The following AFF3 variants were observed in gnomAD, a reference collection of about 807,000 sequenced individuals.
AFF3 encodes ALF transcription elongation factor 3.
AFF3 carries 32 observed loss-of-function variants against 129.7 expected under a neutral mutation model. That is an observed-to-expected ratio of 0.25 (90% CI 0.19 to 0.33). AFF3 has a LOEUF of 0.33. Ranked by LOEUF, AFF3 falls within the 10% of genes least tolerant of loss-of-function variation. The pLI, the probability that AFF3 is intolerant of heterozygous loss-of-function variation, is 1.00. For missense variants in AFF3, 1,373 were observed against 1,592.0 expected, an observed-to-expected ratio of 0.86 and a Z score of 2.34; for synonymous variants, 644 against 635.4, an observed-to-expected ratio of 1.01 and a Z score of -0.20.
At chr2:99,726,170 T>C (rs929549142) in intron 11 of AFF3, among the ~76,000 whole-genome samples, 7 of 152,220 alleles carry the variant, frequency 4.6e-5, no homozygotes, top group African/African-American at 1.4e-4. Context: ...ATATCTCTTA[T>C]GAAATACACA....
chr2:99,722,132 CCTT>C (rs1473717416), intron 11 of AFF3, among the ~76,000 whole-genome samples: 3 of 152,130 alleles, frequency 2.0e-5, no homozygotes, highest in Non-Finnish European at 2.9e-5. Flanking sequence ...CTGAGATTCT[CCTT>C]CTTTTCAGTC....
intron 4 of AFF3, among the ~76,000 whole-genome samples, chr2:100,053,769 G>T (rs958004722): frequency 6.6e-6 from 1 of 152,148 alleles, no homozygotes; most frequent in Non-Finnish European, 1.5e-5. Flanking sequence ...CATGAAATCT[G>T]CCTGACATCC....
chr2:99,833,620 C>T (rs1688660393), intron 8 of AFF3, among the ~76,000 whole-genome samples: 1 of 152,132 alleles, frequency 6.6e-6, no homozygotes, highest in African/African-American at 2.4e-5. Context: ...TGCATAAAAA[C>T]TGTACATCCT....
chr2:99,682,780 C>A (rs987882812), intron 11 of AFF3, among the ~76,000 whole-genome samples: 1 of 152,154 alleles, frequency 6.6e-6, no homozygotes, highest in African/African-American at 2.4e-5. Context: ...GTGAGAGGCA[C>A]CTGAATAGGG....
intron 7 of AFF3, among the ~76,000 whole-genome samples, chr2:99,876,782 A>ATCT (rs1295547276): frequency 6.6e-6 from 1 of 152,084 alleles, no homozygotes; most frequent in African/African-American, 2.4e-5. Context: ...AGTAACATGG[A>ATCT]TCTTCCCTCA....
At chr2:99,708,517 A>G (rs1351802161) in intron 11 of AFF3, among the ~76,000 whole-genome samples, 5 of 152,234 alleles carry the variant, frequency 3.3e-5, no homozygotes, top group Non-Finnish European at 7.3e-5. Context: ...CAGTAACAGA[A>G]CAATGCAAAT....
At chr2:99,559,382 A>G (rs972398082) in intron 21 of AFF3, among the ~76,000 whole-genome samples, 1 of 152,256 alleles carries the variant, frequency 6.6e-6, no homozygotes, top group African/African-American at 2.4e-5. Flanking sequence ...ACTGAACTAT[A>G]AGCAGCTCCA....
At chr2:99,942,562 G>A (rs1260627955) in intron 7 of AFF3, among the ~76,000 whole-genome samples, 4 of 150,394 alleles carry the variant, frequency 2.7e-5, no homozygotes, top group East Asian at 3.9e-4. Context: ...GGGGGGTCGC[G>A]GCACAGGGAA....
chr2:100,086,552 C>T (rs1321147851), intron 4 of AFF3, among the ~76,000 whole-genome samples: 1 of 152,054 alleles, frequency 6.6e-6, no homozygotes, highest in Non-Finnish European at 1.5e-5. Context: ...AAAAGAATTC[C>T]CATATCTAAG....
chr2:99,708,467 C>G (rs1405330002), intron 11 of AFF3, among the ~76,000 whole-genome samples: 1 of 152,174 alleles, frequency 6.6e-6, no homozygotes, highest in East Asian at 1.9e-4. Context: ...CAGGCCAGAG[C>G]TTGCAAAATT....
At chr2:100,057,538 C>T (rs549848036) in intron 4 of AFF3, among the ~76,000 whole-genome samples, 6 of 152,204 alleles carry the variant, frequency 3.9e-5, no homozygotes, top group African/African-American at 1.4e-4. Context: ...ATTATCATTG[C>T]CAATATTACT....
intron 7 of AFF3, among the ~76,000 whole-genome samples, chr2:99,937,999 T>A (rs115366885): frequency 0.013 from 2,020 of 152,302 alleles, 55 homozygotes; most frequent in African/African-American, 0.046. Flanking sequence ...GAGATGAATG[T>A]GGATCCTGGC....
chr2:100,107,199 T>A, intron 2 of AFF3: 1 of 985,308 alleles, frequency 1.0e-6, no homozygotes, highest in Non-Finnish European at 1.2e-6. Flanking sequence ...GCAGATCCTG[T>A]TTTTTACTAA....
chr2:99,682,262 T>C (rs993755526), intron 11 of AFF3, among the ~76,000 whole-genome samples: 1 of 152,144 alleles, frequency 6.6e-6, no homozygotes, highest in South Asian at 2.1e-4. Context: ...CTCCAATCCA[T>C]AGGACAGAAT....
intron 4 of AFF3, among the ~76,000 whole-genome samples, chr2:100,092,665 T>C (rs535579584): frequency 6.6e-6 from 1 of 152,324 alleles, no homozygotes; most frequent in East Asian, 1.9e-4. Flanking sequence ...TGGTCACTGC[T>C]ATTGTTCACA....
chr2:99,766,540 ATCTTTTCTTTT>A (rs774435500), intron 8 of AFF3, among the ~76,000 whole-genome samples: 3 of 152,224 alleles, frequency 2.0e-5, no homozygotes, highest in South Asian at 2.1e-4. Context: ...TGGAAAAACC[ATCTTTTCTTTT>A]TCTTTTCTTT....
intron 8 of AFF3, among the ~76,000 whole-genome samples, chr2:99,803,717 C>G (rs1167919245): frequency 6.6e-6 from 1 of 152,138 alleles, no homozygotes; most frequent in East Asian, 1.9e-4. Flanking sequence ...CAGCATGGTA[C>G]TGGTATAAAT....
intron 12 of AFF3, 74 bp downstream of exon 12, chr2:99,672,464 C>G: frequency 6.9e-7 from 1 of 1,456,978 alleles, no homozygotes; most frequent in Non-Finnish European, 9.6e-7. Context: ...GCTTGGTTAA[C>G]ACCCGGCACA....
chr2:99,581,726 GGT>G (rs1677573450), intron 17 of AFF3, among the ~76,000 whole-genome samples: 1 of 151,780 alleles, frequency 6.6e-6, no homozygotes, highest in African/African-American at 2.4e-5. Context: ...GACAGGGGAG[GGT>G]TTGGAAGTAA....
Sources: allele counts gnomAD v4.1 joint callset (sites outside exome capture counted in the v4.1 genomes callset), GRCh38; gene constraint gnomAD v4.1.1; transcripts MANE v1.5; gene names NCBI Gene and HGNC (gene_info 2026-07-23, HGNC 2026-07-21).